The following VPS39 variants were observed in gnomAD, a reference collection of about 807,000 sequenced individuals.
The protein encoded by VPS39 is vam6/Vps39-like protein.
VPS39 carries 70 observed loss-of-function variants against 121.0 expected under a neutral mutation model. That is an observed-to-expected ratio of 0.58 (90% CI 0.48 to 0.71). VPS39 has a LOEUF of 0.71. Among genes scored for constraint, VPS39 ranks in the 30% least tolerant of loss-of-function variants. VPS39 has a pLI of 0.00. For missense variants in VPS39, 818 were observed against 1,051.5 expected (o/e 0.78, Z 3.07); for synonymous variants, 378 against 398.1 (o/e 0.95, Z 0.60).
intron 7 of VPS39, among the ~76,000 whole-genome samples, chr15:42,185,335 C>T (rs924667891): frequency 2.0e-5 from 3 of 151,958 alleles, no homozygotes; most frequent in East Asian, 1.9e-4. Flanking sequence ...TGTGCCACCA[C>T]GCCAGGCTAA....
At chr15:42,178,410 G>A (rs374339608) in intron 9 of VPS39, 40 bp downstream of exon 9, 30 of 1,613,780 alleles carry the variant, frequency 1.9e-5, no homozygotes, top group Middle Eastern at 1.6e-4. Flanking sequence ...TTACAACTTT[G>A]GGATAATATA....
intron 1 of VPS39, among the ~76,000 whole-genome samples, chr15:42,203,653 T>C (rs1365622134): frequency 1.3e-5 from 2 of 151,652 alleles, no homozygotes; most frequent in Non-Finnish European, 2.9e-5. Context: ...AAAAAAAAAA[T>C]TAATTAAAAA....
intron 1 of VPS39, among the ~76,000 whole-genome samples, chr15:42,206,900 C>A (rs2050185561): frequency 6.6e-6 from 1 of 152,206 alleles, no homozygotes; most frequent in African/African-American, 2.4e-5. Context: ...TTCTCCTCCT[C>A]TATTTAAATG....
At position 42,159,339 on chromosome 15, in the gene VPS39, T is replaced by C. The variant is rs867703162; in HGVS notation, c.*1415A>G. 2.0e-5 allele frequency: 3 copies of C among 152,306 alleles called. No individual in the cohort carries two copies. The highest frequency in any genetic ancestry group is 7.2e-5 in the African/African-American group (3 of 41,454). 9.4% of individuals were successfully genotyped at this position (152,306 alleles called of 1,614,324 possible). ...CAGGTCAAGGACAGGCCACTAAAACTGTTGGTGCTGGGCACCATCACCCAC... is the reference window on the plus strand; with the variant it reads ...CAGGTCAAGGACAGGCCACTAAAACCGTTGGTGCTGGGCACCATCACCCAC... On this transcript the variant is annotated 3_prime_UTR_variant, in exon 25 of 25. Coordinates refer to ENST00000318006, the MANE Select transcript of VPS39 (RefSeq NM_015289.5).
intron 8 of VPS39, among the ~76,000 whole-genome samples, chr15:42,180,445 A>G (rs2140862567): frequency 6.6e-6 from 1 of 152,352 alleles, no homozygotes; most frequent in South Asian, 2.1e-4. Context: ...GTGACAGTCC[A>G]AAGCTTAAAA....
intron 2 of VPS39, among the ~76,000 whole-genome samples, chr15:42,192,489 G>C (rs766481391): frequency 1.2e-4 from 19 of 152,046 alleles, no homozygotes; most frequent in Admixed American, 1.2e-3. Flanking sequence ...CAGGATGCTC[G>C]CACTGCTGAC....
intron 8 of VPS39, chr15:42,179,246 C>G (rs1198821888): frequency 6.6e-6 from 1 of 152,272 alleles, no homozygotes; most frequent in Non-Finnish European, 1.5e-5. Flanking sequence ...GGTAACAGAA[C>G]CTCTTCTTTC....
chr15:42,192,549 G>C (rs1462430121), intron 2 of VPS39, among the ~76,000 whole-genome samples: 2 of 152,092 alleles, frequency 1.3e-5, no homozygotes, highest in African/African-American at 4.8e-5. Context: ...GGAAATCAGG[G>C]AGACTCTTTG....
At chr15:42,163,589 AG>A (rs1177771085) in intron 20 of VPS39, 36 bp downstream of exon 20, 35 of 1,588,630 alleles carry the variant, frequency 2.2e-5, no homozygotes, top group Non-Finnish European at 3.0e-5. Flanking sequence ...GCCTGCTTTT[AG>A]ACTGCTTAGG....
At chr15:42,168,398 G>A (rs2049286173) in intron 12 of VPS39, among the ~76,000 whole-genome samples, 1 of 152,154 alleles carries the variant, frequency 6.6e-6, no homozygotes, top group South Asian at 2.1e-4. Flanking sequence ...GCTCCTTGCA[G>A]GCTGCCAGCC....
At chr15:42,186,564 G>A (rs76233475) in intron 7 of VPS39, among the ~76,000 whole-genome samples, 5,570 of 152,252 alleles carry the variant, frequency 0.037, 99 homozygotes, top group Non-Finnish European at 0.042. Context: ...TCAATGAAAC[G>A]AACAGTGTGT....
chr15:42,187,611 T>C, intron 6 of VPS39, 147 bp downstream of exon 6: 1 of 784,150 alleles, frequency 1.3e-6, no homozygotes, highest in Non-Finnish European at 2.2e-6. Flanking sequence ...AGAATCATAT[T>C]ACAAGTAGGC....
chr15:42,189,140 C>T lies in VPS39; in HGVS notation c.316G>A (p.Ala106Thr), dbSNP rs764450567. Reference protein sequence around the residue: ...QITTVSKAKGASLFTCDLQHT... With the variant: ...QITTVSKAKGTSLFTCDLQHT... ...TGGAGGTCACAAGTAAACAGTGATG[C>T]TCCCTTTGCCTTTGAAACCGTAGTG... The change falls in exon 5 of 25, where the codon GCA (alanine) becomes ACA (threonine). Residue 106 changes from alanine (A) to threonine (T), a missense_variant. Coordinates refer to ENST00000318006, the MANE Select transcript of VPS39 (RefSeq NM_015289.5). 3.3e-5 allele frequency: 54 copies of T among 1,613,796 alleles called. 1 individual carries two copies. The East Asian group carries it at 7.8e-4, about 23-fold the overall frequency.
chr15:42,167,367 T>C, intron 13 of VPS39, 27 bp downstream of exon 13: 1 of 1,612,394 alleles, frequency 6.2e-7, no homozygotes, highest in Non-Finnish European at 8.5e-7. Context: ...CTGGGAATTG[T>C]GGCACCCGAG....
chr15:42,170,424 G>C (rs1418241877), intron 11 of VPS39, among the ~76,000 whole-genome samples: 1 of 152,132 alleles, frequency 6.6e-6, no homozygotes, highest in African/African-American at 2.4e-5. Flanking sequence ...GATCGCTTGA[G>C]CCCAGGAGGT....
intron 2 of VPS39, among the ~76,000 whole-genome samples, chr15:42,193,948 C>A (rs1202247894): frequency 2.0e-5 from 3 of 151,936 alleles, no homozygotes; most frequent in Non-Finnish European, 4.4e-5. Flanking sequence ...AAAAAAGTAG[C>A]CAGTTTAGCT....
chr15:42,197,638 C>A (rs1430499657), intron 2 of VPS39, among the ~76,000 whole-genome samples: 1 of 152,176 alleles, frequency 6.6e-6, no homozygotes, highest in African/African-American at 2.4e-5. Context: ...GTTAAAAACA[C>A]ATTTATTGAA....
intron 2 of VPS39, among the ~76,000 whole-genome samples, chr15:42,193,338 G>A (rs2049869194): frequency 2.0e-5 from 3 of 152,046 alleles, no homozygotes. Flanking sequence ...ATTTGTTTTG[G>A]TTGAAGTATA....
intron 2 of VPS39, among the ~76,000 whole-genome samples, chr15:42,198,147 T>A (rs2049983781): frequency 6.6e-6 from 1 of 152,348 alleles, no homozygotes; most frequent in East Asian, 1.9e-4. Context: ...AGTTCAGGTC[T>A]ATACTGTGTT....
Sources: gnomAD v4.1 joint callset for allele counts (sites outside exome capture counted in the v4.1 genomes callset) on GRCh38, gnomAD v4.1.1 for gene constraint, MANE v1.5 for transcripts, NCBI Gene and HGNC (gene_info 2026-07-23, HGNC 2026-07-21) for gene names.